The following CDH6 variants were observed in gnomAD, a reference collection of about 807,000 sequenced individuals.
The protein encoded by CDH6 is cadherin-6.
Under a neutral mutation model 78.0 loss-of-function variants are expected in CDH6, and 31 were observed. The ratio of observed to expected loss-of-function variants is 0.40; its 90% CI spans 0.30 to 0.54. CDH6 has a LOEUF of 0.54. Ranked by LOEUF, CDH6 falls within the 20% of genes least tolerant of loss-of-function variation. CDH6 has a pLI of 0.56. For synonymous variants in CDH6, 376 were observed against 368.8 expected (o/e 1.02, Z -0.23); for missense variants, 724 against 975.9 (o/e 0.74, Z 3.44).
rs1387428762 is a variant in CDH6, at chr5:31,323,124, C to T, written c.2189C>T (p.Pro730Leu). 3 of 1,614,038 alleles carry T rather than the reference C, an allele frequency of 1.9e-6. No homozygotes were observed. Among genetic ancestry groups the T allele is most frequent in the Non-Finnish European group, 1.7e-6 (2 of 1,180,034 alleles). ...LKENDTDPTA[P>L]PYDSLATYAY... ...GAAAATGACACGGACCCCACTGCCC[C>T]GCCATACGACTCCTTGGCCACTTAC... The change falls in exon 12 of 12, where the codon CCG becomes CTG. Residue 730 changes from proline to leucine, a missense_variant. Around this residue, in one of 3 missense-constraint regions of CDH6, gnomAD observed 220 missense variants for 240.6 expected, o/e 0.91. Coordinates refer to ENST00000265071, the MANE Select transcript of CDH6 (RefSeq NM_004932.4).
intron 1 of CDH6, among the ~76,000 whole-genome samples, chr5:31,217,595 A>C (rs1455564844): frequency 3.9e-5 from 6 of 152,144 alleles, no homozygotes; most frequent in Non-Finnish European, 5.9e-5. Flanking sequence ...TGGGCCAGAC[A>C]CCATGCCAGA....
intron 2 of CDH6, among the ~76,000 whole-genome samples, chr5:31,274,487 A>C (rs1421856956): frequency 6.6e-6 from 1 of 152,206 alleles, no homozygotes; most frequent in Non-Finnish European, 1.5e-5. Context: ...TGCCTGTGGA[A>C]TCCTAGAGCC....
At position 31,227,993 on chromosome 5, in the gene CDH6, G is replaced by A. The variant is rs147113108; in HGVS notation, c.-129+34107G>A. On this transcript the variant is annotated intron_variant, in intron 1 of 11. Coordinates refer to ENST00000265071, the MANE Select transcript of CDH6 (RefSeq NM_004932.4). ...GGTGATTACAGTGGGCTAAAAATCA[G>A]CCTGTCGGTGTGCTTGTGTTCTTTC... 3.6e-3 allele frequency among the ~76,000 whole-genome samples: 548 copies of A among 152,292 alleles called. 5 individuals carry two copies. Among genetic ancestry groups the A allele is most frequent in the African/African-American group, 0.013 (525 of 41,562 alleles).
At chr5:31,272,838 C>G (rs541823553) in intron 2 of CDH6, among the ~76,000 whole-genome samples, 52 of 152,212 alleles carry the variant, frequency 3.4e-4, no homozygotes, top group African/African-American at 1.2e-3. Context: ...TGTATATTTT[C>G]AAAGGTATTT....
intron 1 of CDH6, among the ~76,000 whole-genome samples, chr5:31,222,408 T>G (rs1471086314): frequency 6.6e-6 from 1 of 152,192 alleles, no homozygotes; most frequent in Non-Finnish European, 1.5e-5. Context: ...TCTCTATTTG[T>G]CATATGAATC....
At chr5:31,303,112 T>C (rs1038538194) in intron 6 of CDH6, among the ~76,000 whole-genome samples, 4 of 152,112 alleles carry the variant, frequency 2.6e-5, no homozygotes, top group Non-Finnish European at 5.9e-5. Context: ...ATAAGTAATA[T>C]AAACAAATGA....
rs746400122 is a variant in CDH6, at chr5:31,266,551, C to A, written c.-128-795C>A. Among the ~76,000 whole-genome samples, 3 of 151,882 alleles carry A rather than the reference C, an allele frequency of 2.0e-5. No homozygotes were observed. The East Asian group carries it at 5.8e-4, about 29-fold the overall frequency. ...TTTCCTAAGGAAATTTGAATAGAAT[C>A]GCTCATTTAATTCTTACAGTCTATT... On this transcript the variant is annotated intron_variant, in intron 1 of 11. Transcript: ENST00000265071.
intron 2 of CDH6, among the ~76,000 whole-genome samples, chr5:31,281,852 G>T (rs796078658): frequency 6.6e-6 from 1 of 152,050 alleles, no homozygotes; most frequent in Admixed American, 6.6e-5. Context: ...GCAGGCCTTG[G>T]TATCCTTTCT....
At chr5:31,285,513 G>A (rs779620725) in intron 2 of CDH6, among the ~76,000 whole-genome samples, 1 of 152,150 alleles carries the variant, frequency 6.6e-6, no homozygotes, top group Non-Finnish European at 1.5e-5. Flanking sequence ...AACGTAAATG[G>A]CAAGTTTATA....
chr5:31,322,865 C>A lies in CDH6; in HGVS notation c.1930C>A (p.Pro644Thr), dbSNP rs762352264. The A allele has an allele frequency of 6.2e-7, 1 of 1,614,052 alleles. No homozygotes were observed. The highest frequency in any genetic ancestry group is 1.1e-5 in the South Asian group (1 of 91,066). ...TCTGAGGCGGCAGCGAAAAAAAGAG[C>A]CTTTGATCATTTCCAAAGAGGACAT... ...AALRRQRKKE[P>T]LIISKEDIRD... Residue 644 changes from proline (P) to threonine (T), a missense_variant, in exon 12 of 12, where the codon CCT (proline) becomes ACT (threonine). Physicochemically the swap from Pro to Thr is conservative, Grantham distance 38 (BLOSUM62 -1). Transcript: ENST00000265071.
At chr5:31,269,422 G>A (rs781413318) in intron 2 of CDH6, among the ~76,000 whole-genome samples, 69 of 152,128 alleles carry the variant, frequency 4.5e-4, no homozygotes, top group Non-Finnish European at 7.9e-4. Flanking sequence ...CCGAGAATGT[G>A]TCACAGTGCT....
chr5:31,265,114 G>A (rs926254849), intron 1 of CDH6, among the ~76,000 whole-genome samples: 1 of 152,200 alleles, frequency 6.6e-6, no homozygotes, highest in African/African-American at 2.4e-5. Context: ...AATGGAGAAT[G>A]AGGGAAATTA....
At chr5:31,260,877 A>G (rs910786851) in intron 1 of CDH6, among the ~76,000 whole-genome samples, 7 of 152,214 alleles carry the variant, frequency 4.6e-5, no homozygotes, top group Non-Finnish European at 7.3e-5. Flanking sequence ...AGGTTTAGAA[A>G]TGAAGACTTC....
At chr5:31,203,155 T>G (rs1740406320) in intron 1 of CDH6, among the ~76,000 whole-genome samples, 1 of 151,952 alleles carries the variant, frequency 6.6e-6, no homozygotes, top group Admixed American at 6.6e-5. Flanking sequence ...GTGATAAATA[T>G]CAGTTCCACA....
At chr5:31,260,660 A>T (rs1162618459) in intron 1 of CDH6, among the ~76,000 whole-genome samples, 2 of 152,236 alleles carry the variant, frequency 1.3e-5, no homozygotes, top group Non-Finnish European at 2.9e-5. Context: ...AGATTGGCCT[A>T]TTATCCACAA....
intron 1 of CDH6, among the ~76,000 whole-genome samples, chr5:31,237,229 G>A (rs4072916): frequency 0.13 from 19,614 of 151,986 alleles, 1,516 homozygotes; most frequent in South Asian, 0.26. Context: ...TAGGGTCCAC[G>A]TTATCCCAAG....
intron 1 of CDH6, among the ~76,000 whole-genome samples, chr5:31,199,553 T>G (rs1375116124): frequency 2.7e-5 from 4 of 147,686 alleles, no homozygotes; most frequent in African/African-American, 9.9e-5. Flanking sequence ...TACACACATA[T>G]GTGTATATAT....
chr5:31,202,847 A>G (rs911478043), intron 1 of CDH6, among the ~76,000 whole-genome samples: 4 of 151,874 alleles, frequency 2.6e-5, no homozygotes, highest in South Asian at 2.1e-4. Context: ...ACATATATAT[A>G]TGCAAAATAT....
rs555502049 is a variant in CDH6 at position 31,271,438 on chromosome 5, G to A, written c.228+3737G>A. On this transcript the variant is annotated intron_variant, in intron 2 of 11. Transcript: ENST00000265071. The stretch of plus-strand genomic sequence containing the variant: ...TTAACCTTCCTCAGCCTTCCACTGC[G>A]TTCTGTTGCCAGTGAGATGAATGCA... Among the ~76,000 whole-genome samples the A allele has an allele frequency of 9.2e-5, 14 of 152,166 alleles. No individual in the cohort carries two copies. In the South Asian group the frequency reaches 2.1e-3, roughly 23 times the overall value.
Sources: gnomAD v4.1 joint callset for allele counts (sites outside exome capture counted in the v4.1 genomes callset) on GRCh38, gnomAD v4.1.1 for gene constraint, gnomAD v4.1.1 regional missense constraint, MANE v1.5 for transcripts, NCBI Gene and HGNC (gene_info 2026-07-23, HGNC 2026-07-21) for gene names.